The following TSHZ2 variants were observed in gnomAD, a reference collection of about 807,000 sequenced individuals.
TSHZ2 encodes the protein teashirt zinc finger homeobox 2.
A neutral mutation model predicts 74.4 loss-of-function variants in TSHZ2; 21 were observed. The ratio of observed to expected loss-of-function variants is 0.28; its 90% CI spans 0.20 to 0.41. The LOEUF is 0.41. TSHZ2 is among the 10% of genes least tolerant of loss of function. The probability of loss-of-function intolerance (pLI) is 1.00; values close to 1 mark genes in which losing one functional copy is unlikely to be tolerated. For synonymous variants in TSHZ2, 540 were observed against 515.3 expected (o/e 1.05, Z -0.65); for missense variants, 1,244 against 1,293.5 (o/e 0.96, Z 0.59).
In TSHZ2 at chr20:53,255,410, T is replaced by C; in HGVS notation, c.1952T>C (p.Leu651Pro). Residue 651 changes from leucine (L) to proline (P), a missense_variant, in exon 2 of 3, where the codon CTG (leucine) becomes CCG (proline). Around this residue, in one of 6 missense-constraint regions of TSHZ2, gnomAD observed 562 missense variants for 544.0 expected, o/e 1.03. Transcript: ENST00000371497. This position sits in a 1 kb window ranked among gnomAD's most constrained non-coding sequence, Gnocchi z 4.1. ...GCCAAAAAGACCGAGCTGGGTCCCC[T>C]GAAGGAGGAGGAGAAGCTGATGAAA... is the stretch of plus-strand genomic sequence containing the variant. ...PEAKKTELGP[L>P]KEEEKLMKEG... 13 of 1,613,520 alleles carry C rather than the reference T, an allele frequency of 8.1e-6. No homozygotes were observed. The highest frequency in any genetic ancestry group is 1.1e-5 in the Non-Finnish European group (13 of 1,180,002).
chr20:53,409,860 T>C (rs2145694722), intron 2 of TSHZ2, among the ~76,000 whole-genome samples: 1 of 142,834 alleles, frequency 7.0e-6, no homozygotes, highest in African/African-American at 2.6e-5. Flanking sequence ...TTTTTTTTTT[T>C]TTTTGAGACG....
rs1158836527 is a variant in TSHZ2, at chr20:53,495,128, A to C, written c.*7993A>C. 2 of 152,204 alleles carry C rather than the reference A, an allele frequency of 1.3e-5. No individual in the cohort carries two copies. Among genetic ancestry groups the C allele is most frequent in the Non-Finnish European group, 2.9e-5 (2 of 68,032 alleles). The allele number at this position is 152,204 out of a possible 1,614,324, so 9.4% of individuals were successfully genotyped here. On this transcript the variant is annotated 3_prime_UTR_variant, in exon 3 of 3. Transcript: ENST00000371497. The stretch of plus-strand genomic sequence containing the variant: ...GTCGACTTCTGCTTTGGCCAATTGA[A>C]AAATGAAAATTAAAGGAGAGAAGAA...
rs191709055 is a variant in TSHZ2, at chr20:53,455,610, T to A, written c.*9-31534T>A. ...TAAGTTTTAGGGTACATGTGCACAT[T>A]GTGCAGGTTAGTTACATACGTATAC... On this transcript the variant is annotated intron_variant, in intron 2 of 2. Transcript: ENST00000371497. 4.3e-3 allele frequency among the ~76,000 whole-genome samples: 651 copies of A among 152,228 alleles called. 2 individuals are homozygous for A. The highest frequency in any genetic ancestry group is 0.037 in the South Asian group (179 of 4,810).
intron 2 of TSHZ2, among the ~76,000 whole-genome samples, chr20:53,343,007 C>G (rs1166060397): frequency 7.3e-6 from 1 of 136,582 alleles, no homozygotes; most frequent in African/African-American, 2.9e-5. Flanking sequence ...CACCCCGTCA[C>G]CCAGGCTGGA....
intron 2 of TSHZ2, among the ~76,000 whole-genome samples, chr20:53,423,217 G>A (rs1316858426): frequency 2.6e-5 from 4 of 152,092 alleles, no homozygotes; most frequent in African/African-American, 7.2e-5. Context: ...TGGCCAACAT[G>A]GCAAAACCCC....
intron 2 of TSHZ2, among the ~76,000 whole-genome samples, chr20:53,359,939 T>G (rs191491259): frequency 1.3e-5 from 2 of 152,314 alleles, no homozygotes; most frequent in Admixed American, 1.3e-4. Context: ...GGGAAAGTCA[T>G]CCTTAAGACA....
chr20:53,186,329 C>T (rs2123526221), intron 1 of TSHZ2, among the ~76,000 whole-genome samples: 1 of 152,328 alleles, frequency 6.6e-6, no homozygotes, highest in African/African-American at 2.4e-5. Flanking sequence ...TGGTTTAAGC[C>T]ATCGGTGTTC....
intron 2 of TSHZ2, among the ~76,000 whole-genome samples, chr20:53,363,705 T>C (rs567212934): frequency 1.3e-5 from 2 of 152,278 alleles, no homozygotes; most frequent in Non-Finnish European, 1.5e-5. Flanking sequence ...CCCAACTACT[T>C]GGGAGGCTGA....
At chr20:53,447,768 T>C (rs2145774002) in intron 2 of TSHZ2, among the ~76,000 whole-genome samples, 1 of 152,334 alleles carries the variant, frequency 6.6e-6, no homozygotes, top group East Asian at 1.9e-4. Flanking sequence ...ATGCTATGGA[T>C]GTGTGGCAAG....
chr20:53,176,290 T>C (rs1988334858), intron 1 of TSHZ2, among the ~76,000 whole-genome samples: 1 of 152,192 alleles, frequency 6.6e-6, no homozygotes, highest in African/African-American at 2.4e-5. Flanking sequence ...TAGACTGAAA[T>C]AGTTCTTTGC....
At chr20:53,180,051 T>C (rs549899935) in intron 1 of TSHZ2, among the ~76,000 whole-genome samples, 2 of 152,334 alleles carry the variant, frequency 1.3e-5, no homozygotes, top group Admixed American at 6.5e-5. Flanking sequence ...ATTTATAGAA[T>C]GTCGAACCAT....
At chr20:53,096,425 G>A (rs1160345376) in intron 1 of TSHZ2, among the ~76,000 whole-genome samples, 2 of 152,278 alleles carry the variant, frequency 1.3e-5, no homozygotes, top group Admixed American at 6.5e-5. Context: ...TTACAGGCGC[G>A]AGCCACCATG....
In TSHZ2 at chr20:52,972,716, G is replaced by T; in HGVS notation, c.-578G>T. 1 of 160,450 alleles carries T rather than the reference G, an allele frequency of 6.2e-6. No individual in the cohort carries two copies. Among genetic ancestry groups the T allele is most frequent in the South Asian group, 1.8e-4 (1 of 5,674 alleles). The allele number at this position is 160,450 out of a possible 1,614,324, so 9.9% of individuals were successfully genotyped here. On this transcript the variant is annotated 5_prime_UTR_variant, in exon 1 of 3. In the 5' UTR this introduces an upstream ATG that the reference lacks. Transcript: ENST00000371497. Reference sequence around the variant, plus strand: ...TCGGCGAGGAGGAGGAGGAGGAGGAGGAAGAAAAGAAGGAGGAGGTGGAGG... The same window carrying T: ...TCGGCGAGGAGGAGGAGGAGGAGGATGAAGAAAAGAAGGAGGAGGTGGAGG...
chr20:53,491,185 T>A lies in TSHZ2; in HGVS notation c.*4050T>A, dbSNP rs1986439471. ...AACAATAAGGAAATATATTAAAGCT[T>A]TAAAATATGCACATATGTAGTTCTA... is the stretch of plus-strand genomic sequence containing the variant. On this transcript the variant is annotated 3_prime_UTR_variant, in exon 3 of 3. Coordinates refer to ENST00000371497, the MANE Select transcript of TSHZ2 (RefSeq NM_173485.6). 1 of 152,144 alleles carries A rather than the reference T, an allele frequency of 6.6e-6. No homozygotes were observed. Among genetic ancestry groups the A allele is most frequent in the Admixed American group, 6.5e-5 (1 of 15,272 alleles). 9.4% of individuals were successfully genotyped at this position (152,144 alleles called of 1,614,324 possible). A position where few individuals can be genotyped will look rare whatever the true frequency, so the allele number is the denominator to read the frequency against.
intron 1 of TSHZ2, among the ~76,000 whole-genome samples, chr20:53,051,203 G>T (rs1984446250): frequency 6.6e-6 from 1 of 152,122 alleles, no homozygotes; most frequent in Admixed American, 6.5e-5. Context: ...GCAGGGTGTG[G>T]TGGCTGGCGC....
intron 1 of TSHZ2, among the ~76,000 whole-genome samples, chr20:53,009,961 G>T (rs777169901): frequency 6.6e-6 from 1 of 152,058 alleles, no homozygotes; most frequent in African/African-American, 2.4e-5. Context: ...CTTGTGTTTC[G>T]GGGATGATGT....
chr20:53,063,265 G>A (rs1984876790), intron 1 of TSHZ2, among the ~76,000 whole-genome samples: 1 of 152,030 alleles, frequency 6.6e-6, no homozygotes, highest in South Asian at 2.1e-4. Context: ...AAATACCTCT[G>A]AAGCACAATA....
At chr20:53,088,115 T>A (rs1472057779) in intron 1 of TSHZ2, among the ~76,000 whole-genome samples, 1 of 152,200 alleles carries the variant, frequency 6.6e-6, no homozygotes, top group Non-Finnish European at 1.5e-5. Context: ...CTGGGACTCA[T>A]CACCTATTGC....
chr20:53,484,179 C>A (rs1326346726), intron 2 of TSHZ2, among the ~76,000 whole-genome samples: 1 of 152,124 alleles, frequency 6.6e-6, no homozygotes, highest in African/African-American at 2.4e-5. Flanking sequence ...GCCAGGGACC[C>A]TTTTTCTCTC....
Sources: gnomAD v4.1 joint callset for allele counts (sites outside exome capture counted in the v4.1 genomes callset) on GRCh38, gnomAD v4.1.1 for gene constraint, gnomAD v4.1.1 regional missense constraint, Gnocchi (gnomAD v3.1) non-coding constraint, MANE v1.5 for transcripts, NCBI Gene and HGNC (gene_info 2026-07-23, HGNC 2026-07-21) for gene names.